RYR2: variants seen among roughly 807,000 people sequenced by gnomAD.
The protein encoded by RYR2 is cardiac muscle ryanodine receptor-calcium release channel.
In RYR2, 227 loss-of-function variants were observed where a neutral mutation model predicts 601.1. The observed-to-expected ratio is 0.38, with a 90% CI of 0.34 to 0.42. The LOEUF is 0.42. Ranked by LOEUF, RYR2 falls within the 10% of genes least tolerant of loss-of-function variation. RYR2 has a pLI of 1.00. For missense variants in RYR2, 4,646 were observed against 6,156.5 expected (o/e 0.75, Z 8.21); for synonymous variants, 2,223 against 2,175.1 (o/e 1.02, Z -0.61).
chr1:237,369,438 C>A, intron 5 of RYR2, 96 bp from the exon 6 acceptor site: 1 of 1,017,494 alleles, frequency 9.8e-7, no homozygotes, highest in Non-Finnish European at 1.5e-6. Context: ...TTCCTACTAA[C>A]GTTCCTTTGA....
At chr1:237,677,821 C>T (rs1371891138) in intron 60 of RYR2, among the ~76,000 whole-genome samples, 1 of 152,158 alleles carries the variant, frequency 6.6e-6, no homozygotes, top group African/African-American at 2.4e-5. Context: ...TCTCTAACCA[C>T]AACTATGGGC....
At chr1:237,410,053 T>C (rs1376875364) in intron 10 of RYR2, among the ~76,000 whole-genome samples, 1 of 152,186 alleles carries the variant, frequency 6.6e-6, no homozygotes, top group Non-Finnish European at 1.5e-5. Flanking sequence ...CATTTCCCCA[T>C]TGCTCTAAAG....
intron 94 of RYR2, 56 bp downstream of exon 94, chr1:237,792,379 G>GCA: frequency 1.1e-6 from 1 of 915,566 alleles, no homozygotes; most frequent in Non-Finnish European, 1.6e-6. Flanking sequence ...GTGTGTGTGT[G>GCA]TGCGTGTGTG....
Position 237,270,910 on chromosome 1 carries a change from A to G in RYR2, c.168+294A>G, listed in dbSNP as rs377313762. ...TATAATTTGAAAACTGATAAGGGCT[A>G]GGAAGATTTAATGGATTATTAAGTT... is the stretch of plus-strand genomic sequence containing the variant. On this transcript the variant is annotated intron_variant, in intron 2 of 104. Transcript: ENST00000366574. Among the ~76,000 whole-genome samples, 41 of 152,358 alleles carry G rather than the reference A, an allele frequency of 2.7e-4. No individual in the cohort carries two copies. In the South Asian group the frequency reaches 7.7e-3, roughly 28 times the overall value.
chr1:237,717,984 G>C (rs757865306), intron 72 of RYR2, among the ~76,000 whole-genome samples: 3 of 152,158 alleles, frequency 2.0e-5, no homozygotes, highest in Non-Finnish European at 2.9e-5. Context: ...TGCATCGTTT[G>C]ACATTCTAAA....
chr1:237,157,303 A>C (rs1320754902), intron 1 of RYR2, among the ~76,000 whole-genome samples: 1 of 127,472 alleles, frequency 7.8e-6, no homozygotes, highest in Non-Finnish European at 1.7e-5. Context: ...CTCAAAAAAA[A>C]AAAAAAAAAA....
intron 1 of RYR2, among the ~76,000 whole-genome samples, chr1:237,157,313 A>G (rs1675491203): frequency 6.7e-6 from 1 of 149,672 alleles, no homozygotes; most frequent in South Asian, 2.1e-4. Flanking sequence ...AAAAAAAAAA[A>G]AAAAAAAAGA....
At chr1:237,655,758 A>G (rs1010766651) in intron 52 of RYR2, 63 bp from the exon 53 acceptor site, 10 of 1,460,952 alleles carry the variant, frequency 6.8e-6, no homozygotes, top group Non-Finnish European at 9.3e-6. Flanking sequence ...GTCAGCCCTG[A>G]TGATCATGCT....
chr1:237,734,756 GAGA>G (rs1171823363), intron 79 of RYR2, among the ~76,000 whole-genome samples: 1 of 152,230 alleles, frequency 6.6e-6, no homozygotes, highest in East Asian at 1.9e-4. Flanking sequence ...GGGGTGAAGA[GAGA>G]AGAAGGCAAA....
chr1:237,816,873 T>C (rs558569791), intron 100 of RYR2, among the ~76,000 whole-genome samples: 1 of 152,260 alleles, frequency 6.6e-6, no homozygotes, highest in East Asian at 1.9e-4. Flanking sequence ...TTCAGGATAT[T>C]TTTTTAAGTG....
At chr1:237,630,350 T>C (rs1436251539) in intron 41 of RYR2, among the ~76,000 whole-genome samples, 1 of 152,142 alleles carries the variant, frequency 6.6e-6, no homozygotes, top group African/African-American at 2.4e-5. Context: ...GCTGCCCTTG[T>C]TTACCTTAGT....
At chr1:237,649,376 C>T (rs490057) in intron 49 of RYR2, among the ~76,000 whole-genome samples, 8 of 151,852 alleles carry the variant, frequency 5.3e-5, no homozygotes, top group Non-Finnish European at 8.8e-5. Flanking sequence ...ATTCACCTGA[C>T]GTTGTGGACC....
At position 237,153,591 on chromosome 1, in the gene RYR2, T is replaced by C. The variant is rs967117252; in HGVS notation, c.48+111022T>C. ...TTATAGATAGTCTGGGGGATGTGTA[T>C]GTGTAGCATTTTTTTTTTGCAGGGA... is the stretch of plus-strand genomic sequence containing the variant. On this transcript the variant is annotated intron_variant, in intron 1 of 104. Coordinates refer to ENST00000366574, the MANE Select transcript of RYR2 (RefSeq NM_001035.3). 3.2e-5 allele frequency among the ~76,000 whole-genome samples: 4 copies of C among 124,732 alleles called. No individual in the cohort carries two copies. The Admixed American group carries it at 3.5e-4, about 11-fold the overall frequency. 81.8% of individuals were successfully genotyped at this position (124,732 alleles called of 152,430 possible). A position where few individuals can be genotyped will look rare whatever the true frequency, so the allele number is the denominator to read the frequency against.
intron 2 of RYR2, among the ~76,000 whole-genome samples, chr1:237,302,041 C>A (rs1249000655): frequency 1.3e-5 from 2 of 152,096 alleles, no homozygotes; most frequent in Non-Finnish European, 2.9e-5. Flanking sequence ...AACTCTGGCC[C>A]ATACTACTTG....
At chr1:237,576,193 C>T (rs563324499) in intron 29 of RYR2, among the ~76,000 whole-genome samples, 1 of 152,128 alleles carries the variant, frequency 6.6e-6, no homozygotes, top group African/African-American at 2.4e-5. Context: ...TGATCTATAG[C>T]TTCAATCCGT....
chr1:237,673,561 AAT>A (rs1189588699), intron 58 of RYR2, among the ~76,000 whole-genome samples: 2 of 152,172 alleles, frequency 1.3e-5, no homozygotes, highest in Non-Finnish European at 2.9e-5. Flanking sequence ...ATCCACTTTT[AAT>A]GTAGCACATC....
intron 27 of RYR2, among the ~76,000 whole-genome samples, chr1:237,557,626 A>G (rs115108564): frequency 0.029 from 4,396 of 152,110 alleles, 158 homozygotes; most frequent in African/African-American, 0.088. Flanking sequence ...CTGAATGTAA[A>G]CAAAACTGGA....
chr1:237,749,798 G>A (rs1249321901), intron 80 of RYR2, among the ~76,000 whole-genome samples: 1 of 152,032 alleles, frequency 6.6e-6, no homozygotes. Context: ...GATTGAAAAA[G>A]AAAATAAACT....
chr1:237,758,079 T>C (rs1474236661), intron 82 of RYR2, among the ~76,000 whole-genome samples: 1 of 152,212 alleles, frequency 6.6e-6, no homozygotes, highest in Non-Finnish European at 1.5e-5. Flanking sequence ...TGTGGCTCTC[T>C]GGTTATGGAA....
Sources: gnomAD v4.1 joint callset for allele counts (sites outside exome capture counted in the v4.1 genomes callset) on GRCh38, gnomAD v4.1.1 for gene constraint, MANE v1.5 for transcripts, NCBI Gene and HGNC (gene_info 2026-07-23, HGNC 2026-07-21) for gene names.